The following SMARCC2 variants were observed in gnomAD, a reference collection of about 807,000 sequenced individuals.
SMARCC2 encodes the protein SWI/SNF complex subunit SMARCC2.
SMARCC2 carries 15 observed loss-of-function variants against 151.3 expected under a neutral mutation model. The ratio of observed to expected loss-of-function variants is 0.10; its 90% CI spans 0.07 to 0.15. SMARCC2 has a LOEUF of 0.15. Among genes scored for constraint, SMARCC2 ranks in the 10% least tolerant of loss-of-function variants. The pLI is 1.00. For missense variants in SMARCC2, 1,031 were observed against 1,599.7 expected (o/e 0.64, Z 6.06); for synonymous variants, 590 against 609.5 (o/e 0.97, Z 0.47).
Position 56,179,059 on chromosome 12 carries a change from G to A in SMARCC2, c.1082-3C>T. ...CTCTGAGTCTTTCTTTGTGTTGACT[G>A]CGAAAACAGAGAGTCATTTTATCAG... On this transcript the variant is annotated splice_polypyrimidine_tract_variant and splice_region_variant and intron_variant, in intron 11 of 28. Coordinates refer to ENST00000550164, the MANE Select transcript of SMARCC2 (RefSeq NM_001330288.2). The A allele has an allele frequency of 6.2e-7, 1 of 1,613,856 alleles. No homozygotes were observed.
chr12:56,177,505 C>T (rs1238989340), intron 15 of SMARCC2, among the ~76,000 whole-genome samples: 1 of 152,050 alleles, frequency 6.6e-6, no homozygotes, highest in Non-Finnish European at 1.5e-5. Context: ...TCTCAGTGTC[C>T]CAAGTAGCTG....
intron 15 of SMARCC2, among the ~76,000 whole-genome samples, chr12:56,176,328 CCA>C (rs1319546591): frequency 6.6e-6 from 1 of 152,208 alleles, no homozygotes; most frequent in Non-Finnish European, 1.5e-5. Flanking sequence ...GGAGGGACCC[CCA>C]GAGAGGGGAA....
At chr12:56,170,089 C>T (rs1222009013) in intron 23 of SMARCC2, 55 bp downstream of exon 23, 6 of 1,533,290 alleles carry the variant, frequency 3.9e-6, no homozygotes, top group Non-Finnish European at 4.5e-6. Flanking sequence ...GGCCAACTTC[C>T]CCATCACCAC....
intron 6 of SMARCC2, 93 bp from the exon 7 acceptor site, chr12:56,184,023 T>G (rs1290257852): frequency 9.2e-7 from 1 of 1,092,210 alleles, no homozygotes; most frequent in African/African-American, 1.6e-5. Context: ...ACTCTCCTGT[T>G]GTAGCAGGGG....
chr12:56,164,180 AC>A, intron 28 of SMARCC2, 122 bp downstream of exon 28: 1 of 878,202 alleles, frequency 1.1e-6, no homozygotes, highest in Non-Finnish European at 1.7e-6. Flanking sequence ...TTCTAATTTT[AC>A]CAGAGTGTTC....
chr12:56,184,013 A>C, intron 6 of SMARCC2, 83 bp from the exon 7 acceptor site: 1 of 1,129,642 alleles, frequency 8.9e-7, no homozygotes, highest in South Asian at 1.3e-5. Flanking sequence ...TAACTAATGC[A>C]CTCTCCTGTT....
intron 17 of SMARCC2, among the ~76,000 whole-genome samples, chr12:56,173,359 G>A (rs1364501516): frequency 6.6e-6 from 1 of 152,146 alleles, no homozygotes; most frequent in Non-Finnish European, 1.5e-5. Context: ...TGATAATTAT[G>A]AGGCAAAAAT....
chr12:56,179,489 T>C (rs1206140475), intron 11 of SMARCC2, among the ~76,000 whole-genome samples: 1 of 152,046 alleles, frequency 6.6e-6, no homozygotes, highest in East Asian at 1.9e-4. Flanking sequence ...GATGAGGAGG[T>C]AGAAGCCAGA....
In SMARCC2 at chr12:56,171,671, C is replaced by A. The variant is rs772994962; in HGVS notation, c.2185+8G>T. The A allele has an allele frequency of 2.6e-6, 4 of 1,533,888 alleles. No homozygotes were observed. In the Admixed American group the frequency reaches 8.5e-5, roughly 33 times the overall value. The stretch of plus-strand genomic sequence containing the variant: ...AGAAGGCCAGGTGGAACCACCCACC[C>A]CCATTACCTAGGGCTGACTTTGCAG... On this transcript the variant is annotated splice_region_variant and intron_variant, in intron 21 of 28. Transcript: ENST00000550164. This position sits in a 1 kb window ranked among gnomAD's most constrained non-coding sequence, Gnocchi z 4.2.
At chr12:56,189,277 G>A in intron 1 of SMARCC2, 74 bp downstream of exon 1, 2 of 913,578 alleles carry the variant, frequency 2.2e-6, no homozygotes, top group Non-Finnish European at 1.6e-6. Flanking sequence ...GGGTAGGCAG[G>A]ATCCCGGGGC....
chr12:56,166,990 G>A lies in SMARCC2; in HGVS notation c.2850+1070C>T, dbSNP rs187859823. ...AGGCAGGAGAATCGCTTGAACCCAG[G>A]AGGCGGAGGTTGCAGTGAGCCGTGA... On this transcript the variant is annotated intron_variant, in intron 26 of 28. Coordinates refer to ENST00000550164, the MANE Select transcript of SMARCC2 (RefSeq NM_001330288.2). Among the ~76,000 whole-genome samples the A allele has an allele frequency of 3.3e-5, 5 of 151,408 alleles. No homozygotes were observed. In the East Asian group the frequency reaches 9.7e-4, roughly 29 times the overall value.
chr12:56,186,346 TC>T, intron 2 of SMARCC2, 106 bp from the exon 3 acceptor site: 3 of 611,086 alleles, frequency 4.9e-6, no homozygotes, highest in Admixed American at 2.9e-5. Flanking sequence ...TGAATTGATC[TC>T]CCTTTTTTTT....
At position 56,178,850 on chromosome 12, in the gene SMARCC2, G is replaced by A; in HGVS notation, c.1142-3C>T. The A allele has an allele frequency of 2.5e-6, 4 of 1,614,104 alleles. No individual in the cohort carries two copies. The highest frequency in any genetic ancestry group is 3.4e-6 in the Non-Finnish European group (4 of 1,179,944). ...CATGCTTTCATCTTCCTGTTCATCT[G>A]AAAGAGAAAAACCAAGATGTAAGGC... On this transcript the variant is annotated splice_polypyrimidine_tract_variant and splice_region_variant and intron_variant, in intron 12 of 28. Transcript: ENST00000550164.
intron 15 of SMARCC2, among the ~76,000 whole-genome samples, chr12:56,177,759 A>G (rs1212475754): frequency 6.6e-6 from 1 of 152,236 alleles, no homozygotes; most frequent in African/African-American, 2.4e-5. Context: ...ACCCTGTTAA[A>G]AAGAAGTTGA....
At chr12:56,182,697 T>C (rs1876464573) in intron 7 of SMARCC2, among the ~76,000 whole-genome samples, 1 of 150,512 alleles carries the variant, frequency 6.6e-6, no homozygotes, top group Admixed American at 6.7e-5. Context: ...CCTTTAGTGA[T>C]CCTCCTGCCT....
In SMARCC2 at chr12:56,168,050, T is replaced by G; in HGVS notation, c.2850+10A>C. The G allele has an allele frequency of 6.2e-7, 1 of 1,608,388 alleles. No homozygotes were observed. Among genetic ancestry groups the G allele is most frequent in the Non-Finnish European group, 8.5e-7 (1 of 1,177,532 alleles). On this transcript the variant is annotated intron_variant, in intron 26 of 28. Coordinates refer to ENST00000550164, the MANE Select transcript of SMARCC2 (RefSeq NM_001330288.2). ...CAGCGCAGCAGGGTTCCAGGGCTCCTGCTACTCACTGCTTCTCGCTCCCGG... is the reference window on the plus strand; with the variant it reads ...CAGCGCAGCAGGGTTCCAGGGCTCCGGCTACTCACTGCTTCTCGCTCCCGG...
chr12:56,176,253 C>T (rs2135708001), intron 15 of SMARCC2, among the ~76,000 whole-genome samples: 1 of 152,298 alleles, frequency 6.6e-6, no homozygotes, highest in South Asian at 2.1e-4. Flanking sequence ...TTTCTTTTCA[C>T]ACATACTGCT....
Position 56,163,643 on chromosome 12 carries a change from CGTGATGT to C in SMARCC2, c.*39_*45del. 8.9e-7 allele frequency: 1 copy of C among 1,121,810 alleles called. No individual in the cohort carries two copies. The highest frequency in any genetic ancestry group is 1.2e-6 in the Non-Finnish European group (1 of 806,528). The allele number at this position is 1,121,810 out of a possible 1,614,324, so 69.5% of individuals were successfully genotyped here. A position where few individuals can be genotyped will look rare whatever the true frequency, so the allele number is the denominator to read the frequency against. ...GTGGGGGAAGGGCTGTTCCTGGAAC[CGTGATGT>C]CCACAGGGGGTGAGGGGGAGAGATG... On this transcript the variant is annotated 3_prime_UTR_variant, in exon 29 of 29. Transcript: ENST00000550164.
Position 56,174,665 on chromosome 12 carries a change from G to A in SMARCC2, c.1482C>T (p.Val494=), listed in dbSNP as rs775286103. The A allele has an allele frequency of 1.2e-6, 2 of 1,612,662 alleles. No individual in the cohort carries two copies. The highest frequency in any genetic ancestry group is 2.2e-5 in the South Asian group (2 of 91,048). Residue 494 remains valine (V), a synonymous_variant, in exon 16 of 29, where the codon GTC becomes GTT. Transcript: ENST00000550164. ...ACAAGACCCACCTCATGATGGCACA[G>A]ACATCACCCGCTAGGTTTCGGCGGC... is the stretch of plus-strand genomic sequence containing the variant. ...TACRRNLAGD[V]CAIMRVHAFL... is the part of the protein sequence containing the mutation.
Sources: gnomAD v4.1 joint callset for allele counts (sites outside exome capture counted in the v4.1 genomes callset) on GRCh38, gnomAD v4.1.1 for gene constraint, Gnocchi (gnomAD v3.1) non-coding constraint, MANE v1.5 for transcripts, NCBI Gene and HGNC (gene_info 2026-07-23, HGNC 2026-07-21) for gene names.